Variants in RSU1 observed in about 807,000 individuals in gnomAD.
The protein encoded by RSU1 is rsu-1.
Under a neutral mutation model 31.1 loss-of-function variants are expected in RSU1, and 26 were observed. The ratio of observed to expected loss-of-function variants is 0.84; its 90% CI spans 0.61 to 1.16. RSU1 has a LOEUF of 1.16. RSU1 is among the 50% of genes most tolerant of loss of function. The pLI is 0.00. For missense variants in RSU1, 320 were observed against 339.1 expected, an observed-to-expected ratio of 0.94 and a Z score of 0.44; for synonymous variants, 164 against 136.3, an observed-to-expected ratio of 1.20 and a Z score of -1.41.
intron 8 of RSU1, among the ~76,000 whole-genome samples, chr10:16,633,370 T>C (rs898059238): frequency 1.3e-5 from 2 of 152,010 alleles, no homozygotes; most frequent in Admixed American, 1.3e-4. Flanking sequence ...TGATGGCCCC[T>C]GGGTAGGAAA....
intron 7 of RSU1, among the ~76,000 whole-genome samples, chr10:16,730,625 T>A (rs1304121874): frequency 6.6e-6 from 1 of 151,748 alleles, no homozygotes; most frequent in African/African-American, 2.4e-5. Flanking sequence ...ATTTGGGGGG[T>A]TTTTTGGTGC....
chr10:16,595,810 A>T (rs181448340), intron 8 of RSU1, among the ~76,000 whole-genome samples: 1 of 151,800 alleles, frequency 6.6e-6, no homozygotes. Flanking sequence ...CTACTAAAAA[A>T]AAGAAAAAAT....
At chr10:16,733,442 A>C (rs1836558251) in intron 7 of RSU1, among the ~76,000 whole-genome samples, 3 of 151,980 alleles carry the variant, frequency 2.0e-5, no homozygotes, top group South Asian at 4.2e-4. Flanking sequence ...CAGGAGGCAG[A>C]GGGTGCAGTG....
chr10:16,679,560 C>T (rs1206014947), intron 8 of RSU1, among the ~76,000 whole-genome samples: 1 of 152,144 alleles, frequency 6.6e-6, no homozygotes, highest in Non-Finnish European at 1.5e-5. Context: ...GATATTTAAC[C>T]TGACACTTGA....
At chr10:16,593,911 G>A (rs1441460389) in intron 8 of RSU1, among the ~76,000 whole-genome samples, 1 of 152,232 alleles carries the variant, frequency 6.6e-6, no homozygotes, top group Non-Finnish European at 1.5e-5. Flanking sequence ...GGGACAGAGA[G>A]CAATGGTGTC....
At chr10:16,811,350 G>C (rs12246217) in intron 2 of RSU1, among the ~76,000 whole-genome samples, 30,315 of 152,062 alleles carry the variant, frequency 0.2, 3,427 homozygotes, top group African/African-American at 0.31. Flanking sequence ...TAATGCATGA[G>C]TGTTCTAATA....
intron 8 of RSU1, among the ~76,000 whole-genome samples, chr10:16,680,047 A>G (rs1835301276): frequency 1.3e-5 from 2 of 151,748 alleles, no homozygotes; most frequent in South Asian, 4.2e-4. Context: ...ATGCCTGGCT[A>G]ATTTTTGTAT....
intron 8 of RSU1, among the ~76,000 whole-genome samples, chr10:16,613,018 A>AT (rs982585938): frequency 1.3e-4 from 20 of 151,834 alleles, no homozygotes; most frequent in Admixed American, 4.6e-4. Flanking sequence ...ATTTCTGGGT[A>AT]TTTTTTCCTT....
intron 8 of RSU1, among the ~76,000 whole-genome samples, chr10:16,634,595 T>A (rs552424054): frequency 3.3e-5 from 5 of 152,320 alleles, no homozygotes; most frequent in Non-Finnish European, 7.4e-5. Context: ...ATGTTCTAGA[T>A]TTTTTCTTAC....
intron 7 of RSU1, among the ~76,000 whole-genome samples, chr10:16,723,828 AC>A (rs2131593398): frequency 6.6e-6 from 1 of 152,288 alleles, no homozygotes; most frequent in Admixed American, 6.5e-5. Flanking sequence ...AACTCAGTCC[AC>A]CCGTGCAGAG....
At chr10:16,754,275 A>G (rs1241857466) in intron 5 of RSU1, among the ~76,000 whole-genome samples, 3 of 152,202 alleles carry the variant, frequency 2.0e-5, no homozygotes, top group Non-Finnish European at 4.4e-5. Context: ...AGAAGAAATC[A>G]TTTTTTAATT....
intron 2 of RSU1, among the ~76,000 whole-genome samples, chr10:16,792,181 T>C (rs549071907): frequency 7.2e-5 from 11 of 152,328 alleles, no homozygotes; most frequent in Non-Finnish European, 1.6e-4. Flanking sequence ...GCTCACAGAC[T>C]GTGCATTCCG....
chr10:16,817,150 C>A (rs1461331934), intron 1 of RSU1, 66 bp from the exon 2 acceptor site: 53 of 1,130,500 alleles, frequency 4.7e-5, no homozygotes, highest in Non-Finnish European at 6.6e-5. Context: ...AGGCAAGAGG[C>A]CTTCGCTGCC....
intron 8 of RSU1, among the ~76,000 whole-genome samples, chr10:16,631,851 G>A (rs1441540856): frequency 6.6e-6 from 1 of 152,172 alleles, no homozygotes; most frequent in Non-Finnish European, 1.5e-5. Flanking sequence ...CAGCACAGAG[G>A]GGGCACCCCA....
intron 2 of RSU1, among the ~76,000 whole-genome samples, chr10:16,799,363 C>A (rs59575119): frequency 1.3e-5 from 2 of 151,966 alleles, no homozygotes; most frequent in South Asian, 2.1e-4. Flanking sequence ...ACCACCATAC[C>A]GAAATCTAGA....
chr10:16,649,673 A>T (rs1834643350), intron 8 of RSU1, among the ~76,000 whole-genome samples: 1 of 152,138 alleles, frequency 6.6e-6, no homozygotes, highest in Non-Finnish European at 1.5e-5. Context: ...GCACAACAGA[A>T]CTATTTACTG....
chr10:16,776,365 T>G (rs1204957195), intron 3 of RSU1, among the ~76,000 whole-genome samples: 1 of 152,204 alleles, frequency 6.6e-6, no homozygotes, highest in Non-Finnish European at 1.5e-5. Flanking sequence ...TTAAATTCTA[T>G]GTACTTAGAA....
At chr10:16,705,902 G>C (rs1835889670) in intron 7 of RSU1, among the ~76,000 whole-genome samples, 1 of 152,100 alleles carries the variant, frequency 6.6e-6, no homozygotes, top group Admixed American at 6.5e-5. Flanking sequence ...TCAGTCTCCT[G>C]AGTAGCTGGG....
rs1281319530 is a variant in RSU1 at position 16,817,418 on chromosome 10, A to C, written c.-107T>G. 1.6e-5 allele frequency: 4 copies of C among 249,018 alleles called. No homozygotes were observed. Among genetic ancestry groups the C allele is most frequent in the East Asian group, 2.1e-4 (2 of 9,630 alleles). The allele number at this position is 249,018 out of a possible 1,614,324, so 15.4% of individuals were successfully genotyped here. On this transcript the variant is annotated 5_prime_UTR_variant, in exon 1 of 9. Transcript: ENST00000345264. ...GCAACACCGGCACTGAACAGCGAAC[A>C]CGCCCTGTCTCGGCGCCCCGCGCAG...
Sources: gnomAD v4.1 joint callset for allele counts (sites outside exome capture counted in the v4.1 genomes callset) on GRCh38, gnomAD v4.1.1 for gene constraint, MANE v1.5 for transcripts, NCBI Gene and HGNC (gene_info 2026-07-23, HGNC 2026-07-21) for gene names.